Variants in RBFOX1 observed in about 807,000 individuals in gnomAD.
The protein encoded by RBFOX1 is RNA binding fox-1 homolog 1.
Under a neutral mutation model 57.7 loss-of-function variants are expected in RBFOX1, and 8 were observed. The observed-to-expected ratio is 0.14, with a 90% CI of 0.08 to 0.25. The LOEUF is 0.25. RBFOX1 is among the 10% of genes least tolerant of loss of function. RBFOX1 has a pLI of 1.00. For missense variants in RBFOX1, 611 were observed against 548.5 expected, an observed-to-expected ratio of 1.11 and a Z score of -1.14; for synonymous variants, 326 against 222.4, an observed-to-expected ratio of 1.47 and a Z score of -4.15.
chr16:6,333,602 A>G (rs968844432), intron 2 of RBFOX1, among the ~76,000 whole-genome samples: 1 of 152,276 alleles, frequency 6.6e-6, no homozygotes, highest in African/African-American at 2.4e-5. Flanking sequence ...TCATTTCTAC[A>G]CCTCTGAAAA....
chr16:6,168,817 A>G (rs1327525207), intron 1 of RBFOX1, among the ~76,000 whole-genome samples: 2 of 135,174 alleles, frequency 1.5e-5, no homozygotes. Context: ...TCACTTTTTT[A>G]CTTTTTTTTT....
intron 2 of RBFOX1, among the ~76,000 whole-genome samples, chr16:6,327,917 C>T (rs999938157): frequency 6.6e-6 from 1 of 152,034 alleles, no homozygotes; most frequent in African/African-American, 2.4e-5. Flanking sequence ...TTGCATGCAC[C>T]GTGGTCCCAG....
chr16:7,145,185 T>TTTTTG lies in RBFOX1; in HGVS notation c.27+93091_27+93095dup, dbSNP rs1410467881. ...CAATCATTTCTTTACCCCCTACCCT[T>TTTTTG]TTTTGTTTCGTTTTGTTTTGTTTTG... On this transcript the variant is annotated intron_variant, in intron 4 of 15. Coordinates refer to ENST00000550418, the MANE Select transcript of RBFOX1 (RefSeq NM_018723.4). 1.9e-3 allele frequency among the ~76,000 whole-genome samples: 137 copies of TTTTTG among 70,856 alleles called. 1 individual carries two copies. Among genetic ancestry groups the TTTTTG allele is most frequent in the Middle Eastern group, 9.1e-3 (1 of 110 alleles). The allele number at this position is 70,856 out of a possible 152,430, so 46.5% of individuals were successfully genotyped here.
At chr16:6,908,973 G>T (rs938614781) in intron 3 of RBFOX1, among the ~76,000 whole-genome samples, 64 of 152,248 alleles carry the variant, frequency 4.2e-4, no homozygotes, top group African/African-American at 1.3e-3. Context: ...CTCTCTGGGG[G>T]CTCCGTTCTT....
At chr16:6,920,429 G>A (rs942272956) in intron 3 of RBFOX1, among the ~76,000 whole-genome samples, 6 of 152,106 alleles carry the variant, frequency 3.9e-5, no homozygotes, top group Non-Finnish European at 8.8e-5. Context: ...GCTTATAAAT[G>A]GCTTGTTTAA....
chr16:5,617,547 C>G (rs2048072557), intron 3 of RBFOX1, among the ~76,000 whole-genome samples: 1 of 152,168 alleles, frequency 6.6e-6, no homozygotes, highest in Non-Finnish European at 1.5e-5. Context: ...TCCAGAAATG[C>G]TAGCACAGCA....
At chr16:6,941,324 TTCCTTCCTTCCTTC>T (rs1567991055) in intron 3 of RBFOX1, among the ~76,000 whole-genome samples, 2 of 132,352 alleles carry the variant, frequency 1.5e-5, no homozygotes, top group Non-Finnish European at 3.2e-5. Flanking sequence ...CCTTCCTTCC[TTCCTTCCTTCCTTC>T]CTTCCTTCCT....
At chr16:7,103,558 A>G (rs139088009) in intron 4 of RBFOX1, among the ~76,000 whole-genome samples, 172 of 152,164 alleles carry the variant, frequency 1.1e-3, no homozygotes, top group African/African-American at 3.9e-3. Flanking sequence ...AAATGTATAG[A>G]TAGATTGATA....
At chr16:7,554,498 C>T (rs948520894) in intron 5 of RBFOX1, among the ~76,000 whole-genome samples, 15 of 152,028 alleles carry the variant, frequency 9.9e-5, no homozygotes, top group African/African-American at 3.4e-4. Context: ...GTCGTGTAGA[C>T]TAAGTGTTAG....
intron 4 of RBFOX1, among the ~76,000 whole-genome samples, chr16:7,109,410 C>G (rs1453934503): frequency 1.3e-5 from 2 of 152,150 alleles, no homozygotes; most frequent in African/African-American, 4.8e-5. Context: ...AACTGCCTCT[C>G]AGAACCCTAA....
chr16:6,887,466 A>G (rs557874484), intron 3 of RBFOX1, among the ~76,000 whole-genome samples: 29 of 152,230 alleles, frequency 1.9e-4, no homozygotes, highest in African/African-American at 6.0e-4. Flanking sequence ...TAAACTTCGC[A>G]TCATGTTTTC....
chr16:7,572,464 C>T (rs73488624), intron 5 of RBFOX1, among the ~76,000 whole-genome samples: 19,918 of 152,074 alleles, frequency 0.13, 1,685 homozygotes, highest in Admixed American at 0.22. Flanking sequence ...TTCCAACTCA[C>T]GGGTAGGCGA....
At chr16:6,524,185 A>G (rs1008660182) in intron 2 of RBFOX1, among the ~76,000 whole-genome samples, 10 of 152,208 alleles carry the variant, frequency 6.6e-5, no homozygotes, top group African/African-American at 2.2e-4. Context: ...TGTACTCTCT[A>G]TCTCCGTGAG....
chr16:7,145,189 TGTTTC>T (rs780690328), intron 4 of RBFOX1, among the ~76,000 whole-genome samples: 19 of 68,868 alleles, frequency 2.8e-4, no homozygotes, highest in Non-Finnish European at 4.3e-4. Flanking sequence ...TACCCTTTTT[TGTTTC>T]GTTTTGTTTT....
At position 6,019,935 on chromosome 16, in the gene RBFOX1, G is replaced by T. The variant is rs1402095308; in HGVS notation, c.-184G>T. On this transcript the variant is annotated 5_prime_UTR_variant, in exon 1 of 16. An upstream open reading frame in the 5' UTR gains an earlier in-frame stop. Transcript: ENST00000550418. The surrounding 1 kb of genome is among the most constrained non-coding windows in gnomAD (Gnocchi z 4.2). ...GGCTGGGGGTGCAGAGAGCGCACGGGAATTCGGGGGTCTGGGGCCGAGAAC... is the reference window on the plus strand; with the variant it reads ...GGCTGGGGGTGCAGAGAGCGCACGGTAATTCGGGGGTCTGGGGCCGAGAAC... 2 of 1,534,628 alleles carry T rather than the reference G, an allele frequency of 1.3e-6. No individual in the cohort carries two copies. The highest frequency in any genetic ancestry group is 2.4e-5 in the South Asian group (2 of 83,924).
chr16:6,478,425 ATATATT>A (rs1374841094), intron 2 of RBFOX1, among the ~76,000 whole-genome samples: 10 of 11,732 alleles, frequency 8.5e-4, no homozygotes, highest in African/African-American at 1.6e-3. Context: ...ATATATATAT[ATATATT>A]TTTTTTTTTT....
intron 3 of RBFOX1, among the ~76,000 whole-genome samples, chr16:5,627,659 G>A (rs1379857032): frequency 6.6e-6 from 1 of 152,078 alleles, no homozygotes; most frequent in African/African-American, 2.4e-5. Flanking sequence ...TTGCCCCTCT[G>A]TATCCACAGA....
intron 3 of RBFOX1, among the ~76,000 whole-genome samples, chr16:6,696,927 A>G (rs936947582): frequency 4.6e-5 from 7 of 152,208 alleles, no homozygotes; most frequent in Admixed American, 6.5e-5. Flanking sequence ...CCCCCAATAT[A>G]AACTCCAGCA....
chr16:7,193,139 T>C (rs2085842027), intron 4 of RBFOX1, among the ~76,000 whole-genome samples: 1 of 152,230 alleles, frequency 6.6e-6, no homozygotes, highest in African/African-American at 2.4e-5. Context: ...AGGCGCATTA[T>C]CCTGGATTAT....
Sources: allele counts gnomAD v4.1 joint callset (sites outside exome capture counted in the v4.1 genomes callset), GRCh38; gene constraint gnomAD v4.1.1; non-coding constraint Gnocchi (gnomAD v3.1); transcripts MANE v1.5; gene names NCBI Gene and HGNC (gene_info 2026-07-23, HGNC 2026-07-21).